Variants in CEP152 observed in about 807,000 individuals in gnomAD.
The protein encoded by CEP152 is centrosomal protein of 152 kDa.
CEP152 carries 132 observed loss-of-function variants against 188.9 expected under a neutral mutation model. That is an observed-to-expected ratio of 0.70 (90% CI 0.61 to 0.81). The LOEUF (loss-of-function observed/expected upper bound fraction) is 0.81. Ranked by LOEUF, CEP152 falls within the 30% of genes least tolerant of loss-of-function variation. The probability of loss-of-function intolerance (pLI) is 0.00; values close to 1 mark genes in which losing one functional copy is unlikely to be tolerated. For synonymous variants in CEP152, 649 were observed against 666.6 expected (o/e 0.97, Z 0.41); for missense variants, 1,914 against 1,969.8 (o/e 0.97, Z 0.54).
rs749882876 is a variant in CEP152, at chr15:48,755,941, G to A, written c.3307C>T (p.Pro1103Ser). ...CIQKAFQDTL[P>S]LLVENADPEW... ...GGGTCAGCGTTTTCTACAAGCAGAG[G>A]AAGTGTATCTTGAAATGCTTTCTGT... Residue 1103 changes from proline (P) to serine (S), a missense_variant, in exon 20 of 27, where the codon CCT becomes TCT. Physicochemically the swap from Pro to Ser is moderately conservative, Grantham distance 74 (BLOSUM62 -1). Coordinates refer to ENST00000380950, the MANE Select transcript of CEP152 (RefSeq NM_001194998.2). 4 of 1,613,950 alleles carry A rather than the reference G, an allele frequency of 2.5e-6. No homozygotes were observed. The highest frequency in any genetic ancestry group is 1.3e-5 in the African/African-American group (1 of 75,004).
chr15:48,808,107 A>G (rs1307430746), intron 1 of CEP152, among the ~76,000 whole-genome samples: 1 of 152,088 alleles, frequency 6.6e-6, no homozygotes, highest in Admixed American at 6.5e-5. Flanking sequence ...TGATCAACTT[A>G]ATGTGGTTAA....
chr15:48,786,122 G>C (rs1179616168), intron 9 of CEP152, among the ~76,000 whole-genome samples: 1 of 152,100 alleles, frequency 6.6e-6, no homozygotes, highest in Non-Finnish European at 1.5e-5. Flanking sequence ...TTATGACATA[G>C]AAACCAAAGT....
intron 10 of CEP152, 198 bp downstream of exon 10, chr15:48,783,765 ATGTGTGTATG>A: frequency 5.9e-6 from 1 of 169,230 alleles, no homozygotes; most frequent in Non-Finnish European, 1.1e-5. Flanking sequence ...TTTTTTATAT[ATGTGTGTATG>A]TATATATATA....
At chr15:48,751,652 C>A (rs16961533) in intron 21 of CEP152, among the ~76,000 whole-genome samples, 36,541 of 151,952 alleles carry the variant, frequency 0.24, 6,274 homozygotes, top group African/African-American at 0.47. Flanking sequence ...GAGGCTGTTG[C>A]GTTTGTGTGG....
chr15:48,770,273 C>T (rs2140773336), intron 13 of CEP152, among the ~76,000 whole-genome samples: 1 of 152,206 alleles, frequency 6.6e-6, no homozygotes, highest in East Asian at 1.9e-4. Context: ...GAGTCCACAG[C>T]TGAAGTAACT....
At chr15:48,776,563 T>C (rs912962297) in intron 12 of CEP152, among the ~76,000 whole-genome samples, 1 of 152,134 alleles carries the variant, frequency 6.6e-6, no homozygotes, top group Non-Finnish European at 1.5e-5. Context: ...AGGATGCTTA[T>C]AACAATGATA....
intron 7 of CEP152, among the ~76,000 whole-genome samples, chr15:48,792,257 C>A (rs539933268): frequency 1.9e-4 from 29 of 152,094 alleles, no homozygotes; most frequent in African/African-American, 6.7e-4. Context: ...CCCAAAGTGC[C>A]GGGATTACAG....
Position 48,769,498 on chromosome 15 carries a change from C to A in CEP152, c.1783-417G>T, listed in dbSNP as rs191293993. Among the ~76,000 whole-genome samples the A allele has an allele frequency of 1.7e-3, 265 of 152,264 alleles. 4 individuals carry two copies. The highest frequency in any genetic ancestry group is 5.7e-4 in the Non-Finnish European group (39 of 68,018). On this transcript the variant is annotated intron_variant, in intron 13 of 26. Transcript: ENST00000380950. Reference sequence around the variant, plus strand: ...TTGGAGTTTTTAGGTTTATTAAAATCAGGTTATGCATCTTTGGCATGCATG... The same window carrying A: ...TTGGAGTTTTTAGGTTTATTAAAATAAGGTTATGCATCTTTGGCATGCATG...
intron 10 of CEP152, chr15:48,783,398 A>G (rs2140848283): frequency 6.6e-6 from 1 of 152,272 alleles, no homozygotes; most frequent in Non-Finnish European, 1.5e-5. Context: ...TTATGAGGGG[A>G]AAAATATGAA....
chr15:48,730,714 C>A (rs1477522776), intron 2 of CEP152, among the ~76,000 whole-genome samples: 2 of 152,134 alleles, frequency 1.3e-5, no homozygotes, highest in African/African-American at 4.8e-5. Context: ...AATACAGATG[C>A]ATAGAAATCC....
chr15:48,776,176 C>G (rs1372391128), intron 12 of CEP152, among the ~76,000 whole-genome samples: 1 of 151,918 alleles, frequency 6.6e-6, no homozygotes. Context: ...TATTCACTTT[C>G]AAATAATTCA....
downstream of CEP152, among the ~76,000 whole-genome samples, chr15:48,734,067 G>GA (rs1257002450): frequency 6.6e-6 from 1 of 151,992 alleles, no homozygotes; most frequent in African/African-American, 2.4e-5. Context: ...TGGGAACAAA[G>GA]AAAGAGCAGC....
In CEP152 at chr15:48,781,207, G is replaced by A; in HGVS notation, c.1566C>T (p.Ser522=). Residue 522 remains serine, a synonymous_variant, in exon 12 of 27, where the codon TCC becomes TCT. Coordinates refer to ENST00000380950, the MANE Select transcript of CEP152 (RefSeq NM_001194998.2). Reference sequence around the variant, plus strand: ...TATTCTTTCCATACCTGGTAACTTTGGATTTTTTCCAGTTGACCTTTTTAA... The same window carrying A: ...TATTCTTTCCATACCTGGTAACTTTAGATTTTTTCCAGTTGACCTTTTTAA... The part of the protein sequence containing the change: ...LGIKKVNWKK[S]KVTSIVQEED... 6.2e-7 allele frequency: 1 copy of A among 1,613,148 alleles called. No homozygotes were observed. The highest frequency in any genetic ancestry group is 8.5e-7 in the Non-Finnish European group (1 of 1,179,482).
intron 7 of CEP152, among the ~76,000 whole-genome samples, chr15:48,792,343 T>C (rs991909678): frequency 1.3e-5 from 2 of 152,172 alleles, no homozygotes; most frequent in African/African-American, 4.8e-5. Flanking sequence ...CCACATACTT[T>C]GCTATAACAG....
In CEP152 at chr15:48,747,275, G is replaced by C. The variant is rs76245322; in HGVS notation, c.3634+1168C>G. Reference sequence around the variant, plus strand: ...ATGTACAAAATAAACTTATTAACCTGGTCTTTTCTGAATGACACCATTATT... The same window carrying C: ...ATGTACAAAATAAACTTATTAACCTCGTCTTTTCTGAATGACACCATTATT... On this transcript the variant is annotated intron_variant, in intron 22 of 26. Coordinates refer to ENST00000380950, the MANE Select transcript of CEP152 (RefSeq NM_001194998.2). 3.5e-3 allele frequency among the ~76,000 whole-genome samples: 539 copies of C among 152,148 alleles called. 3 individuals carry two copies. Among genetic ancestry groups the C allele is most frequent in the African/African-American group, 0.013 (522 of 41,514 alleles).
At chr15:48,750,700 T>C (rs1893805275) in intron 21 of CEP152, among the ~76,000 whole-genome samples, 1 of 152,056 alleles carries the variant, frequency 6.6e-6, no homozygotes, top group African/African-American at 2.4e-5. Flanking sequence ...CACAGACAAA[T>C]CTTAGTAGCA....
intron 8 of CEP152, 134 bp downstream of exon 8, chr15:48,791,103 C>G (rs1896959888): frequency 1.5e-6 from 1 of 683,106 alleles, no homozygotes; most frequent in African/African-American, 1.8e-5. Context: ...CAAACTATTG[C>G]AGTCAGGAAA....
At chr15:48,766,987 G>T in intron 17 of CEP152, 73 bp downstream of exon 17, 1 of 1,584,200 alleles carries the variant, frequency 6.3e-7, no homozygotes. Flanking sequence ...TAGAACAAAT[G>T]TATTCGTTTA....
chr15:48,747,858 T>C (rs1053591667), intron 22 of CEP152, among the ~76,000 whole-genome samples: 1 of 152,144 alleles, frequency 6.6e-6, no homozygotes, highest in Non-Finnish European at 1.5e-5. Flanking sequence ...TCTCACAGCA[T>C]TGTGATGAAT....
Sources: gnomAD v4.1 joint callset for allele counts (sites outside exome capture counted in the v4.1 genomes callset) on GRCh38, gnomAD v4.1.1 for gene constraint, MANE v1.5 for transcripts, NCBI Gene and HGNC (gene_info 2026-07-23, HGNC 2026-07-21) for gene names.